PPP2R2D: variants seen among roughly 807,000 people sequenced by gnomAD.
PPP2R2D encodes protein phosphatase 2 regulatory subunit Bdelta, also known as serine/threonine-protein phosphatase 2A 55 kDa regulatory subunit B delta isoform.
Under a neutral mutation model 31.1 loss-of-function variants are expected in PPP2R2D, and 9 were observed. That is an observed-to-expected ratio of 0.29 (90% CI 0.17 to 0.51). The LOEUF is 0.51. PPP2R2D is among the 20% of genes least tolerant of loss of function. PPP2R2D has a pLI of 0.98. For missense variants in PPP2R2D, 391 were observed against 465.6 expected (o/e 0.84, Z 1.48); for synonymous variants, 179 against 172.6 (o/e 1.04, Z -0.29).
chr10:131,962,545 T>A (rs1480788442), downstream of PPP2R2D, among the ~76,000 whole-genome samples: 4 of 152,232 alleles, frequency 2.6e-5, no homozygotes, highest in Non-Finnish European at 5.9e-5. Flanking sequence ...ATTTTCTTCT[T>A]ATCCTTGGGA....
At chr10:131,968,114 C>T in the PPP2R2D span, 1 of 156,402 alleles carries the variant, frequency 6.4e-6, no homozygotes, top group African/African-American at 2.4e-5. Context: ...TTGGACAAAC[C>T]CCTTAAAGTA....
intron 2 of PPP2R2D, among the ~76,000 whole-genome samples, chr10:131,924,008 C>T (rs1243837542): frequency 1.3e-5 from 2 of 152,150 alleles, no homozygotes; most frequent in African/African-American, 2.4e-5. Flanking sequence ...TGTTAGCCAC[C>T]GTGCCCGGGC....
Position 131,910,140 on chromosome 10 carries a change from G to C in PPP2R2D, c.100+8810G>C, listed in dbSNP as rs940597504. On this transcript the variant is annotated intron_variant, in intron 2 of 8. Transcript: ENST00000455566. ...TAACTCGCCAGGTGGCAGCGTGTTT[G>C]AGTGTGCCGGCCTTTCGGAGTCAGT... Among the ~76,000 whole-genome samples, 612 of 152,336 alleles carry C rather than the reference G, an allele frequency of 4.0e-3. 2 individuals carry two copies. Among genetic ancestry groups the C allele is most frequent in the Non-Finnish European group, 6.6e-3 (452 of 68,034 alleles).
At chr10:131,915,553 G>A (rs1245391966) in intron 2 of PPP2R2D, among the ~76,000 whole-genome samples, 11 of 152,166 alleles carry the variant, frequency 7.2e-5, no homozygotes, top group African/African-American at 1.9e-4. Flanking sequence ...TCCGTTGCCC[G>A]CACTCCTTCC....
rs2035623443 is a variant in PPP2R2D, at chr10:131,907,920, T to C, written c.100+6590T>C. Reference sequence around the variant, plus strand: ...CCTGATTTTAAGCAGTCTGCTGTTCTGATGGGAAGTTCCAGGTTGGGTTTG... The same window carrying C: ...CCTGATTTTAAGCAGTCTGCTGTTCCGATGGGAAGTTCCAGGTTGGGTTTG... On this transcript the variant is annotated intron_variant, in intron 2 of 8. Coordinates refer to ENST00000455566, the MANE Select transcript of PPP2R2D (RefSeq NM_018461.5). Among the ~76,000 whole-genome samples the C allele has an allele frequency of 2.0e-5, 3 of 152,340 alleles. No individual in the cohort carries two copies. The South Asian group carries it at 6.2e-4, about 32-fold the overall frequency.
chr10:131,914,720 C>T (rs904192626), intron 2 of PPP2R2D, among the ~76,000 whole-genome samples: 3 of 152,186 alleles, frequency 2.0e-5, no homozygotes, highest in Non-Finnish European at 4.4e-5. Context: ...ACGGTGACCC[C>T]AGGCGAAGCT....
At chr10:131,928,828 T>C (rs576899475) in intron 2 of PPP2R2D, among the ~76,000 whole-genome samples, 1 of 152,326 alleles carries the variant, frequency 6.6e-6, no homozygotes, top group Non-Finnish European at 1.5e-5. Context: ...GGCCTCCAAA[T>C]GGCCGTCCAG....
rs1258791814 is a variant in PPP2R2D at position 131,917,605 on chromosome 10, G to A, written c.100+16275G>A. Among the ~76,000 whole-genome samples, 15 of 129,528 alleles carry A rather than the reference G, an allele frequency of 1.2e-4. 1 individual carries two copies. The highest frequency in any genetic ancestry group is 2.9e-4 in the South Asian group (1 of 3,456). The allele number at this position is 129,528 out of a possible 152,430, so 85.0% of individuals were successfully genotyped here. A position where few individuals can be genotyped will look rare whatever the true frequency, so the allele number is the denominator to read the frequency against. ...ATGACAGTGTTTGTAGGGACCTCAC[G>A]TGGGTGGAATGACACAGTGTAGGGA... is the stretch of plus-strand genomic sequence containing the variant. On this transcript the variant is annotated intron_variant, in intron 2 of 8. Transcript: ENST00000455566.
the PPP2R2D span, chr10:131,966,881 GTTTTT>G: frequency 8.9e-6 from 1 of 112,978 alleles, no homozygotes; most frequent in Non-Finnish European, 1.8e-5. Context: ...CCAACTGGTT[GTTTTT>G]TTTTTTTTTT....
At chr10:131,950,560 C>T (rs4880246) in intron 8 of PPP2R2D, among the ~76,000 whole-genome samples, 42,447 of 151,868 alleles carry the variant, frequency 0.28, 6,041 homozygotes, top group East Asian at 0.45. Context: ...AGTAGATGCT[C>T]GTTCAAGAAT....
At chr10:131,941,054 G>A (rs782015447) in intron 5 of PPP2R2D, among the ~76,000 whole-genome samples, 2 of 152,182 alleles carry the variant, frequency 1.3e-5, no homozygotes, top group Non-Finnish European at 2.9e-5. Flanking sequence ...CCTCACAGGT[G>A]CAGTAGCACA....
rs1194520383 is a variant in PPP2R2D, at chr10:131,901,039, C to T, written c.-110C>T. ...CCCTCCCCGGCGGCGGCGGCGGCGG[C>T]GGCGGCGCCGGCGGTGGTGGCGGCC... is the stretch of plus-strand genomic sequence containing the variant. On this transcript the variant is annotated 5_prime_UTR_variant, in exon 1 of 9. Coordinates refer to ENST00000455566, the MANE Select transcript of PPP2R2D (RefSeq NM_018461.5). The T allele has an allele frequency of 6.3e-6, 1 of 159,766 alleles. No homozygotes were observed. The highest frequency in any genetic ancestry group is 1.3e-5 in the Non-Finnish European group (1 of 75,362). The allele number at this position is 159,766 out of a possible 1,614,324, so 9.9% of individuals were successfully genotyped here. A position where few individuals can be genotyped will look rare whatever the true frequency, so the allele number is the denominator to read the frequency against.
At position 131,955,933 on chromosome 10, in the gene PPP2R2D, C is replaced by G. The variant is rs764512888; in HGVS notation, c.1332C>G (p.Asn444Lys). 1 of 1,576,568 alleles carries G rather than the reference C, an allele frequency of 6.3e-7. No homozygotes were observed. Among genetic ancestry groups the G allele is most frequent in the Non-Finnish European group, 8.6e-7 (1 of 1,157,946 alleles). The change falls in exon 9 of 9, where the codon AAC becomes AAG. Residue 444 changes from asparagine to lysine, a missense_variant. By Grantham distance (94) the Asn-to-Lys change is moderately conservative. This residue lies in a region of PPP2R2D where 163 missense variants were observed against 179.5 expected (regional missense o/e 0.91). Transcript: ENST00000455566. The part of the protein sequence containing the change: ...DNVIAVAATN[N>K]LYIFQDKIN ...TCATTGCCGTGGCTGCCACCAATAA[C>G]TTGTACATATTCCAGGACAAAATCA...
chr10:131,916,715 C>T (rs532671614), intron 2 of PPP2R2D, among the ~76,000 whole-genome samples: 1 of 144,122 alleles, frequency 6.9e-6, no homozygotes, highest in East Asian at 2.1e-4. Flanking sequence ...TTTGTAGGGA[C>T]CTCAGGCAGG....
At chr10:131,932,333 G>A (rs2036249906) in intron 2 of PPP2R2D, among the ~76,000 whole-genome samples, 1 of 152,152 alleles carries the variant, frequency 6.6e-6, no homozygotes, top group African/African-American at 2.4e-5. Context: ...CCCTACCCCA[G>A]CAGGGAAATG....
intron 2 of PPP2R2D, among the ~76,000 whole-genome samples, chr10:131,928,699 G>A (rs888643059): frequency 2.0e-5 from 3 of 152,214 alleles, no homozygotes; most frequent in Non-Finnish European, 4.4e-5. Flanking sequence ...CGGCAGTGAA[G>A]ATCCAGAGAA....
intron 2 of PPP2R2D, among the ~76,000 whole-genome samples, chr10:131,908,236 A>G (rs2035628708): frequency 6.6e-6 from 1 of 152,086 alleles, no homozygotes; most frequent in Admixed American, 6.5e-5. Flanking sequence ...TGTTTACGTT[A>G]TTATTCAGTG....
the PPP2R2D span, among the ~76,000 whole-genome samples, chr10:131,965,945 C>T: frequency 7.9e-5 from 12 of 152,188 alleles, no homozygotes; most frequent in African/African-American, 1.9e-4. Flanking sequence ...GTCGTTCTCT[C>T]GAGTCTCTAT....
intron 2 of PPP2R2D, among the ~76,000 whole-genome samples, chr10:131,903,123 G>A (rs1840341950): frequency 6.6e-6 from 1 of 152,058 alleles, no homozygotes; most frequent in South Asian, 2.1e-4. Context: ...AACTAAGGTA[G>A]TATATTTTAA....
Sources: gnomAD v4.1 joint callset for allele counts (sites outside exome capture counted in the v4.1 genomes callset) on GRCh38, gnomAD v4.1.1 for gene constraint, gnomAD v4.1.1 regional missense constraint, MANE v1.5 for transcripts, NCBI Gene and HGNC (gene_info 2026-07-23, HGNC 2026-07-21) for gene names.